PRTFDC1: variants seen among roughly 807,000 people sequenced by gnomAD.
PRTFDC1 encodes the protein phosphoribosyl transferase domain containing 1.
Under a neutral mutation model 34.6 loss-of-function variants are expected in PRTFDC1, and 38 were observed. The observed-to-expected ratio is 1.10, with a 90% CI of 0.85 to 1.44. PRTFDC1 has a LOEUF of 1.44. Ranked by LOEUF, PRTFDC1 falls within the 40% of genes most tolerant of loss-of-function variation. PRTFDC1 has a pLI of 0.00. For synonymous variants in PRTFDC1, 93 were observed against 98.1 expected (o/e 0.95, Z 0.31); for missense variants, 270 against 283.0 (o/e 0.95, Z 0.33).
chr10:24,948,085 G>A (rs1267816863), intron 1 of PRTFDC1, among the ~76,000 whole-genome samples: 1 of 152,088 alleles, frequency 6.6e-6, no homozygotes, highest in Non-Finnish European at 1.5e-5. Context: ...CTGTGCTTTC[G>A]ATGGATTACT....
intron 1 of PRTFDC1, among the ~76,000 whole-genome samples, chr10:24,943,056 TATATA>T (rs1490131431): frequency 6.7e-6 from 1 of 148,684 alleles, no homozygotes; most frequent in African/African-American, 2.4e-5. Context: ...ATATTTATAA[TATATA>T]ATATATTTAA....
chr10:24,910,983 C>T (rs970183647), intron 3 of PRTFDC1, among the ~76,000 whole-genome samples: 14 of 151,270 alleles, frequency 9.3e-5, no homozygotes, highest in African/African-American at 3.2e-4. Flanking sequence ...TTTTTCAAGA[C>T]TGCTTAAGGA....
intron 4 of PRTFDC1, among the ~76,000 whole-genome samples, chr10:24,864,208 C>T (rs1847736078): frequency 1.3e-5 from 2 of 152,066 alleles, no homozygotes; most frequent in East Asian, 1.9e-4. Flanking sequence ...GGAATTTACT[C>T]CTGGTGAAGA....
chr10:24,853,565 G>A (rs1296906169), intron 7 of PRTFDC1, among the ~76,000 whole-genome samples: 3 of 152,062 alleles, frequency 2.0e-5, no homozygotes, highest in Non-Finnish European at 1.5e-5. Context: ...CCAAGATCAC[G>A]CCACTGCACT....
At chr10:24,895,696 T>TAC (rs1848346564) in intron 3 of PRTFDC1, among the ~76,000 whole-genome samples, 1 of 121,142 alleles carries the variant, frequency 8.3e-6, no homozygotes, top group South Asian at 2.6e-4. Flanking sequence ...TGGATATATA[T>TAC]ATATATATAT....
chr10:24,877,669 G>A (rs1048692154), intron 3 of PRTFDC1, among the ~76,000 whole-genome samples: 16 of 152,138 alleles, frequency 1.1e-4, no homozygotes, highest in Non-Finnish European at 1.9e-4. Flanking sequence ...TGCACAGGCT[G>A]GAGTGCAGTG....
At position 24,872,035 on chromosome 10, in the gene PRTFDC1, A is replaced by G; in HGVS notation, c.368T>C (p.Ile123Thr). 4 of 1,612,296 alleles carry G rather than the reference A, an allele frequency of 2.5e-6. No homozygotes were observed. The highest frequency in any genetic ancestry group is 3.4e-6 in the Non-Finnish European group (4 of 1,178,480). ...CGTTGAAAGATCATCGCCTCCGATTATCTGCATCTCACCCATGGACTGGTC... is the reference window on the plus strand; with the variant it reads ...CGTTGAAAGATCATCGCCTCCGATTGTCTGCATCTCACCCATGGACTGGTC... ...RNDQSMGEMQ[I>T]IGGDDLSTLA... The change falls in exon 4 of 9, where the codon ATA becomes ACA. Residue 123 changes from isoleucine (I) to threonine (T), a missense_variant. Transcript: ENST00000320152.
intron 3 of PRTFDC1, among the ~76,000 whole-genome samples, chr10:24,907,173 C>T (rs1455775134): frequency 6.6e-6 from 1 of 151,836 alleles, no homozygotes; most frequent in African/African-American, 2.4e-5. Context: ...GATCGCACCT[C>T]TGCACTCCAA....
At chr10:24,891,099 A>G (rs1002678355) in intron 3 of PRTFDC1, among the ~76,000 whole-genome samples, 4 of 152,220 alleles carry the variant, frequency 2.6e-5, no homozygotes, top group Non-Finnish European at 5.9e-5. Flanking sequence ...AAAGGACCCA[A>G]TTTTGTATTT....
At chr10:24,875,924 T>C (rs1847955226) in intron 3 of PRTFDC1, among the ~76,000 whole-genome samples, 1 of 148,042 alleles carries the variant, frequency 6.8e-6, no homozygotes, top group Admixed American at 6.9e-5. Flanking sequence ...GATGTAATCA[T>C]AGCTCATTGC....
chr10:24,905,095 G>A lies in PRTFDC1; in HGVS notation c.339+32089C>T, dbSNP rs4480440. ...GCCGAGGTGGGTGGATCACTTGAGC[G>A]CAGGAGTTTTAAACCAGCCTGGACA... On this transcript the variant is annotated intron_variant, in intron 3 of 8. Transcript: ENST00000320152. Among the ~76,000 whole-genome samples the A allele has an allele frequency of 1.5e-3, 233 of 151,556 alleles. 1 individual carries two copies. The highest frequency in any genetic ancestry group is 5.3e-3 in the African/African-American group (217 of 41,264).
intron 3 of PRTFDC1, among the ~76,000 whole-genome samples, chr10:24,894,380 G>A (rs1321023407): frequency 6.6e-6 from 1 of 151,768 alleles, no homozygotes; most frequent in East Asian, 1.9e-4. Context: ...GGGCACTGCT[G>A]GCCCTTTGGC....
intron 4 of PRTFDC1, among the ~76,000 whole-genome samples, chr10:24,871,660 AG>A (rs1241202037): frequency 6.7e-6 from 1 of 150,106 alleles, no homozygotes; most frequent in Non-Finnish European, 1.5e-5. Context: ...AAAAAAAAAA[AG>A]GCAGACGAAT....
intron 3 of PRTFDC1, among the ~76,000 whole-genome samples, chr10:24,921,387 G>A (rs1449905878): frequency 6.6e-6 from 1 of 152,108 alleles, no homozygotes; most frequent in African/African-American, 2.4e-5. Context: ...GGTCTATAGG[G>A]CACCAAAGCC....
chr10:24,881,655 A>C (rs1346451541), intron 3 of PRTFDC1, among the ~76,000 whole-genome samples: 1 of 152,226 alleles, frequency 6.6e-6, no homozygotes, highest in Non-Finnish European at 1.5e-5. Context: ...AGAATTCACT[A>C]CTTGTAAACA....
chr10:24,904,283 C>T (rs1163727647), intron 3 of PRTFDC1, among the ~76,000 whole-genome samples: 1 of 152,036 alleles, frequency 6.6e-6, no homozygotes, highest in African/African-American at 2.4e-5. Flanking sequence ...CACACACACA[C>T]ACACACACAC....
chr10:24,867,015 A>G (rs1847791609), intron 4 of PRTFDC1, among the ~76,000 whole-genome samples: 1 of 151,838 alleles, frequency 6.6e-6, no homozygotes, highest in South Asian at 2.1e-4. Flanking sequence ...AATGGAAGAA[A>G]GAAAGAAAAA....
chr10:24,874,610 T>G (rs1565262288), intron 3 of PRTFDC1, among the ~76,000 whole-genome samples: 1 of 152,218 alleles, frequency 6.6e-6, no homozygotes, highest in Non-Finnish European at 1.5e-5. Context: ...TTCATTCTAT[T>G]GATTAAAACC....
intron 3 of PRTFDC1, among the ~76,000 whole-genome samples, chr10:24,879,926 G>C (rs1588587112): frequency 4.6e-5 from 7 of 152,134 alleles, no homozygotes; most frequent in Admixed American, 4.6e-4. Flanking sequence ...ATCTCTGTGG[G>C]GTGAGTGGGG....
Sources: allele counts gnomAD v4.1 joint callset (sites outside exome capture counted in the v4.1 genomes callset), GRCh38; gene constraint gnomAD v4.1.1; transcripts MANE v1.5; gene names NCBI Gene and HGNC (gene_info 2026-07-23, HGNC 2026-07-21).